The following PDE10A variants were observed in gnomAD, a reference collection of about 807,000 sequenced individuals.
PDE10A encodes phosphodiesterase 10A.
PDE10A carries 39 observed loss-of-function variants against 97.7 expected under a neutral mutation model. The ratio of observed to expected loss-of-function variants is 0.40; its 90% confidence interval spans 0.31 to 0.52. The LOEUF is 0.52. Among genes scored for constraint, PDE10A ranks in the 20% least tolerant of loss-of-function variants. The probability of loss-of-function intolerance (pLI) is 0.56; values close to 1 mark genes in which losing one functional copy is unlikely to be tolerated. For missense variants in PDE10A, 731 were observed against 1,047.8 expected, an observed-to-expected ratio of 0.70 and a Z score of 4.17; for synonymous variants, 371 against 376.8, an observed-to-expected ratio of 0.98 and a Z score of 0.18.
intron 1 of PDE10A, among the ~76,000 whole-genome samples, chr6:165,685,862 T>C (rs550502454): frequency 2.0e-5 from 3 of 152,308 alleles, no homozygotes; most frequent in East Asian, 1.9e-4. Flanking sequence ...TTTTGATATA[T>C]AAAATTTAAA....
intron 1 of PDE10A, among the ~76,000 whole-genome samples, chr6:165,841,899 G>C (rs747633365): frequency 2.6e-5 from 4 of 152,190 alleles, no homozygotes; most frequent in African/African-American, 9.7e-5. Flanking sequence ...ATTATGCCAG[G>C]AGCTTTTCAT....
chr6:165,401,492 T>C (rs1006630984), intron 13 of PDE10A, among the ~76,000 whole-genome samples: 18 of 152,238 alleles, frequency 1.2e-4, no homozygotes, highest in Non-Finnish European at 2.6e-4. Context: ...GAAAGAAGCA[T>C]GTATACCTAA....
chr6:165,471,681 T>C (rs1779017958), intron 3 of PDE10A, among the ~76,000 whole-genome samples: 1 of 152,198 alleles, frequency 6.6e-6, no homozygotes, highest in Non-Finnish European at 1.5e-5. Flanking sequence ...TAATATCACA[T>C]ATCTGGATTA....
intron 18 of PDE10A, 33 bp downstream of exon 18, chr6:165,379,161 C>T: frequency 1.4e-6 from 2 of 1,435,992 alleles, no homozygotes; most frequent in Non-Finnish European, 1.9e-6. Flanking sequence ...ATAACACTTT[C>T]TGGGCTTCTA....
intron 1 of PDE10A, among the ~76,000 whole-genome samples, chr6:165,691,591 G>A (rs9295313): frequency 0.15 from 7,735 of 51,542 alleles, 423 homozygotes; most frequent in African/African-American, 0.25. Context: ...GCACGCGCGC[G>A]CACACACACA....
chr6:165,810,363 A>G (rs1779247817), intron 1 of PDE10A, among the ~76,000 whole-genome samples: 1 of 152,128 alleles, frequency 6.6e-6, no homozygotes. Flanking sequence ...TCTCTTCTGC[A>G]GGAGAAAAAC....
At chr6:165,771,984 A>C (rs946869434) in intron 1 of PDE10A, among the ~76,000 whole-genome samples, 1 of 152,162 alleles carries the variant, frequency 6.6e-6, no homozygotes. Context: ...ATCAGCACTT[A>C]ACCTCCTTGC....
At position 165,698,948 on chromosome 6, in the gene PDE10A, A is replaced by C. The variant is rs2128443260; in HGVS notation, c.-614-155380T>G. 2.0e-5 allele frequency among the ~76,000 whole-genome samples: 3 copies of C among 152,346 alleles called. No homozygotes were observed. In the Middle Eastern group the frequency reaches 0.01, roughly 518 times the overall value. On this transcript the variant is annotated intron_variant, in intron 1 of 19. Transcript: ENST00000366882. The stretch of plus-strand genomic sequence containing the variant: ...AGTAGAAGGATAAAAGAGACATGAG[A>C]TATATAGAAAGCAAAATGTAAAATG...
intron 1 of PDE10A, among the ~76,000 whole-genome samples, chr6:165,867,381 A>G (rs979767092): frequency 4.6e-5 from 7 of 152,048 alleles, no homozygotes; most frequent in African/African-American, 1.7e-4. Context: ...CAAAACTTCT[A>G]TCAGGCAAAA....
At chr6:165,701,673 T>TGG (rs1554307808) in intron 1 of PDE10A, among the ~76,000 whole-genome samples, 1 of 148,838 alleles carries the variant, frequency 6.7e-6, no homozygotes, top group African/African-American at 2.5e-5. Context: ...GCATGTATGT[T>TGG]TGTGTGTGTG....
intron 1 of PDE10A, among the ~76,000 whole-genome samples, chr6:165,981,369 A>G (rs943541396): frequency 9.2e-5 from 14 of 152,188 alleles, no homozygotes; most frequent in Non-Finnish European, 1.9e-4. Context: ...AAGTCCAGTT[A>G]TGGTTTATGT....
chr6:165,470,289 C>T (rs1329451217), intron 3 of PDE10A, among the ~76,000 whole-genome samples: 1 of 152,180 alleles, frequency 6.6e-6, no homozygotes, highest in Admixed American at 6.5e-5. Flanking sequence ...CGAGAACTGA[C>T]TCCACGTAAT....
intron 1 of PDE10A, among the ~76,000 whole-genome samples, chr6:165,932,911 G>A (rs1783185351): frequency 6.6e-6 from 1 of 152,216 alleles, no homozygotes; most frequent in African/African-American, 2.4e-5. Flanking sequence ...CCTCCAAGGA[G>A]ACCAGGCAGA....
intron 1 of PDE10A, among the ~76,000 whole-genome samples, chr6:165,841,673 G>A (rs1017542445): frequency 7.9e-5 from 12 of 152,208 alleles, no homozygotes; most frequent in Admixed American, 7.2e-4. Context: ...CCTGGCTCTG[G>A]GGTGGAGGAA....
In PDE10A at chr6:165,365,573, A is replaced by T. The variant is rs185991455; in HGVS notation, c.2783+13621T>A. 7.0e-3 allele frequency among the ~76,000 whole-genome samples: 1,069 copies of T among 152,224 alleles called. 10 individuals are homozygous for T. Among genetic ancestry groups the T allele is most frequent in the African/African-American group, 0.023 (969 of 41,524 alleles). On this transcript the variant is annotated intron_variant, in intron 18 of 21. Coordinates refer to ENST00000539869, the MANE Select transcript of PDE10A (RefSeq NM_001385079.1). ...ATAATGACAAAAAATGTAGCCAGGC[A>T]TGATGGTGTTTGCCTATGGTCTCAG...
chr6:165,680,871 G>C (rs561335462), intron 1 of PDE10A, among the ~76,000 whole-genome samples: 1 of 152,158 alleles, frequency 6.6e-6, no homozygotes. Flanking sequence ...GTGACAGAGC[G>C]AGACTCCATC....
At chr6:165,642,471 A>G (rs570673980) in intron 1 of PDE10A, among the ~76,000 whole-genome samples, 1 of 152,328 alleles carries the variant, frequency 6.6e-6, no homozygotes, top group South Asian at 2.1e-4. Context: ...TAAAGAAAAT[A>G]TAATCAATTG....
intron 1 of PDE10A, among the ~76,000 whole-genome samples, chr6:165,577,839 C>T (rs538957820): frequency 3.3e-5 from 5 of 152,296 alleles, no homozygotes; most frequent in African/African-American, 7.2e-5. Flanking sequence ...CTAGGACGGA[C>T]GGGAAACTTC....
chr6:165,507,411 A>G (rs1781258969), intron 2 of PDE10A, among the ~76,000 whole-genome samples: 1 of 152,068 alleles, frequency 6.6e-6, no homozygotes. Context: ...ATAAGCTAAC[A>G]CAGTACTTGT....
Sources: gnomAD v4.1 joint callset for allele counts (sites outside exome capture counted in the v4.1 genomes callset) on GRCh38, gnomAD v4.1.1 for gene constraint, MANE v1.5 for transcripts, NCBI Gene and HGNC (gene_info 2026-07-23, HGNC 2026-07-21) for gene names.